Variants in FNBP1 observed in about 807,000 individuals in gnomAD.
FNBP1 encodes formin-binding protein 1.
In FNBP1, 26 loss-of-function variants were observed where a neutral mutation model predicts 90.6. The observed-to-expected ratio is 0.29, with a 90% CI of 0.21 to 0.40. FNBP1 has a LOEUF of 0.40. Among genes scored for constraint, FNBP1 ranks in the 10% least tolerant of loss-of-function variants. The probability of loss-of-function intolerance (pLI) is 1.00; values close to 1 mark genes in which losing one functional copy is unlikely to be tolerated. For synonymous variants in FNBP1, 260 were observed against 265.2 expected (o/e 0.98, Z 0.19); for missense variants, 635 against 768.0 (o/e 0.83, Z 2.05).
chr9:129,924,993 T>C lies in FNBP1; in HGVS notation c.954A>G (p.Lys318=). 6.2e-7 allele frequency: 1 copy of C among 1,613,798 alleles called. No homozygotes were observed. The highest frequency in any genetic ancestry group is 1.3e-5 in the African/African-American group (1 of 75,018). Residue 318 remains lysine, a synonymous_variant, in exon 9 of 17, where the codon AAA becomes AAG. Transcript: ENST00000446176. ...KPDLKFGGKS[K]GKLWPFIKKN... ...TTTTGATGAACGGCCATAACTTTCC[T>C]TTGGATTTGCCACCAAATTTGAGGT...
intron 1 of FNBP1, among the ~76,000 whole-genome samples, chr9:129,995,896 A>C (rs1185039285): frequency 3.9e-5 from 6 of 152,190 alleles, no homozygotes; most frequent in Non-Finnish European, 8.8e-5. Flanking sequence ...CAGGCACAAG[A>C]GGACTTGGAA....
intron 15 of FNBP1, among the ~76,000 whole-genome samples, chr9:129,897,829 T>A (rs1221580658): frequency 6.6e-6 from 1 of 152,052 alleles, no homozygotes; most frequent in Non-Finnish European, 1.5e-5. Context: ...AGCTAGTTTA[T>A]CTTTTCTTTC....
At chr9:130,049,075 G>C in the FNBP1 span, among the ~76,000 whole-genome samples, 1 of 149,632 alleles carries the variant, frequency 6.7e-6, no homozygotes, top group Middle Eastern at 3.4e-3. Flanking sequence ...CACCACTCCC[G>C]GCCAGTTTCC....
At chr9:130,038,689 G>A (rs2059567548) in intron 1 of FNBP1, among the ~76,000 whole-genome samples, 1 of 152,026 alleles carries the variant, frequency 6.6e-6, no homozygotes, top group African/African-American at 2.4e-5. Flanking sequence ...GCCACCCACC[G>A]CGCCCAGCCC....
intron 12 of FNBP1, among the ~76,000 whole-genome samples, chr9:129,908,204 CTTT>C (rs60610339): frequency 1.9e-3 from 244 of 131,050 alleles, no homozygotes; most frequent in East Asian, 7.2e-3. Context: ...GTCTCTCTCT[CTTT>C]TTTTTTTTTT....
chr9:129,991,945 C>T (rs2053233772), intron 2 of FNBP1, among the ~76,000 whole-genome samples: 1 of 152,218 alleles, frequency 6.6e-6, no homozygotes, highest in Admixed American at 6.5e-5. Context: ...AGGCATAAGC[C>T]ACCGCGCCCA....
rs563819526 is a variant in FNBP1, at chr9:130,025,575, G to A, written c.24+17377C>T. On this transcript the variant is annotated intron_variant, in intron 1 of 16. Coordinates refer to ENST00000446176, the MANE Select transcript of FNBP1 (RefSeq NM_015033.3). ...AGTTTATACCAAATTCATTGATCAC[G>A]TCCACAATACCCCTAATAAAAAAGT... 9.5e-4 allele frequency among the ~76,000 whole-genome samples: 144 copies of A among 152,238 alleles called. 2 individuals are homozygous for A. The highest frequency in any genetic ancestry group is 3.2e-3 in the African/African-American group (131 of 41,544).
chr9:129,902,844 G>A (rs981977858), intron 13 of FNBP1, 25 bp downstream of exon 13: 7 of 1,611,350 alleles, frequency 4.3e-6, no homozygotes, highest in Non-Finnish European at 5.9e-6. Context: ...TTCCAACAAA[G>A]CTTTCCACAA....
chr9:129,955,616 G>A (rs2046811588), intron 6 of FNBP1, among the ~76,000 whole-genome samples: 1 of 151,856 alleles, frequency 6.6e-6, no homozygotes, highest in Admixed American at 6.6e-5. Context: ...AGCTACTCAG[G>A]AGGCTGAGGC....
intron 6 of FNBP1, among the ~76,000 whole-genome samples, chr9:129,955,026 C>A (rs1029523971): frequency 1.3e-5 from 2 of 151,974 alleles, no homozygotes; most frequent in Middle Eastern, 3.4e-3. Context: ...AATGGGGAAC[C>A]TTTTGAAGCA....
intron 1 of FNBP1, among the ~76,000 whole-genome samples, chr9:130,027,724 C>T (rs140402099): frequency 6.6e-6 from 1 of 152,180 alleles, no homozygotes; most frequent in Non-Finnish European, 1.5e-5. Flanking sequence ...GCCCTTCACT[C>T]ATATGGCTGG....
intron 6 of FNBP1, among the ~76,000 whole-genome samples, chr9:129,945,401 A>G (rs966248009): frequency 1.3e-5 from 2 of 152,206 alleles, no homozygotes; most frequent in African/African-American, 4.8e-5. Flanking sequence ...TGTTCTCTAA[A>G]TTGTTATAGT....
intron 15 of FNBP1, among the ~76,000 whole-genome samples, chr9:129,898,219 C>T (rs190929691): frequency 3.3e-5 from 5 of 152,252 alleles, no homozygotes; most frequent in South Asian, 2.1e-4. Context: ...CTGACTGCAT[C>T]GACACCCTGC....
chr9:130,000,762 T>G (rs937609719), intron 1 of FNBP1, among the ~76,000 whole-genome samples: 4 of 152,196 alleles, frequency 2.6e-5, no homozygotes, highest in Admixed American at 2.0e-4. Context: ...TTCCCTGAAG[T>G]GACAGGCTCA....
At chr9:129,988,075 C>T (rs2131139651) in intron 2 of FNBP1, among the ~76,000 whole-genome samples, 1 of 151,950 alleles carries the variant, frequency 6.6e-6, no homozygotes, top group Non-Finnish European at 1.5e-5. Context: ...CAATTTAAGA[C>T]CTAGATGTAC....
intron 6 of FNBP1, among the ~76,000 whole-genome samples, chr9:129,944,690 T>C (rs1401770823): frequency 6.6e-6 from 1 of 151,994 alleles, no homozygotes; most frequent in Admixed American, 6.6e-5. Context: ...TACACATACA[T>C]CACACCCACT....
chr9:129,916,117 C>T, intron 10 of FNBP1, 137 bp from the exon 11 acceptor site: 1 of 641,762 alleles, frequency 1.6e-6, no homozygotes. Context: ...CGTCTACCCG[C>T]TGATTTATAA....
intron 4 of FNBP1, among the ~76,000 whole-genome samples, chr9:129,959,020 A>G (rs2047388815): frequency 6.7e-6 from 1 of 149,954 alleles, no homozygotes; most frequent in African/African-American, 2.5e-5. Context: ...AAAAGGGAAT[A>G]AAAAGCTTAA....
chr9:129,927,398 GT>G, intron 7 of FNBP1, 57 bp from the exon 8 acceptor site: 2 of 1,554,304 alleles, frequency 1.3e-6, no homozygotes, highest in South Asian at 2.3e-5. Flanking sequence ...AAACAAAGTT[GT>G]TTTTCGGCAG....
Sources: gnomAD v4.1 joint callset for allele counts (sites outside exome capture counted in the v4.1 genomes callset) on GRCh38, gnomAD v4.1.1 for gene constraint, MANE v1.5 for transcripts, NCBI Gene and HGNC (gene_info 2026-07-23, HGNC 2026-07-21) for gene names.